Variants in SLC36A2 observed in about 807,000 individuals in gnomAD.
The protein encoded by SLC36A2 is proton-coupled amino acid transporter 2.
A neutral mutation model predicts 42.7 loss-of-function variants in SLC36A2; 39 were observed. The observed-to-expected ratio is 0.91, with a 90% CI of 0.71 to 1.19. The LOEUF (loss-of-function observed/expected upper bound fraction) is 1.19, where lower values mean the gene tolerates loss of function less well. SLC36A2 is among the 50% of genes most tolerant of loss of function. The probability of loss-of-function intolerance (pLI) is 0.00; values close to 1 mark genes in which losing one functional copy is unlikely to be tolerated. For synonymous variants in SLC36A2, 237 were observed against 240.8 expected, an observed-to-expected ratio of 0.98 and a Z score of 0.15; for missense variants, 590 against 613.7, an observed-to-expected ratio of 0.96 and a Z score of 0.41.
chr5:151,323,863 C>T (rs575972925), intron 8 of SLC36A2, among the ~76,000 whole-genome samples: 3 of 152,212 alleles, frequency 2.0e-5, no homozygotes, highest in Non-Finnish European at 2.9e-5. Context: ...AATTGGCATG[C>T]AGTAAATGCT....
chr5:151,320,396 C>A (rs201393337), intron 9 of SLC36A2, among the ~76,000 whole-genome samples: 72 of 148,314 alleles, frequency 4.9e-4, no homozygotes, highest in East Asian at 7.8e-4. Flanking sequence ...CTTTGTTATG[C>A]AAAAAAAAAA....
chr5:151,342,774 C>A (rs1045280978), intron 4 of SLC36A2, 114 bp downstream of exon 4: 3 of 829,710 alleles, frequency 3.6e-6, no homozygotes, highest in Non-Finnish European at 6.2e-6. Flanking sequence ...CCATGTACAA[C>A]ATCTAACATA....
chr5:151,333,728 G>C (rs1363926748), intron 6 of SLC36A2, among the ~76,000 whole-genome samples: 2 of 152,128 alleles, frequency 1.3e-5, no homozygotes, highest in Non-Finnish European at 2.9e-5. Context: ...CGGGCGTGGT[G>C]GTGGGCGCCT....
At chr5:151,343,299 A>C (rs1237661840) in intron 3 of SLC36A2, among the ~76,000 whole-genome samples, 1 of 152,208 alleles carries the variant, frequency 6.6e-6, no homozygotes, top group Non-Finnish European at 1.5e-5. Context: ...AGAGGAGCCA[A>C]CCAGATAAGC....
At chr5:151,343,666 A>T in intron 2 of SLC36A2, 68 bp from the exon 3 acceptor site, 1 of 1,430,482 alleles carries the variant, frequency 7.0e-7, no homozygotes, top group South Asian at 1.2e-5. Context: ...ATACTGCAAG[A>T]TGGGCTTGGT....
intron 9 of SLC36A2, among the ~76,000 whole-genome samples, chr5:151,317,974 A>G (rs569617344): frequency 6.6e-6 from 1 of 152,346 alleles, no homozygotes; most frequent in East Asian, 1.9e-4. Flanking sequence ...AAGGGCTTTT[A>G]TGGAAGAACA....
At chr5:151,324,611 C>G (rs1485975180) in intron 8 of SLC36A2, among the ~76,000 whole-genome samples, 1 of 152,114 alleles carries the variant, frequency 6.6e-6, no homozygotes, top group East Asian at 1.9e-4. Context: ...GGATTACAGG[C>G]ATGAGCCATC....
chr5:151,323,663 G>A (rs537990143), intron 8 of SLC36A2, among the ~76,000 whole-genome samples: 5 of 152,256 alleles, frequency 3.3e-5, no homozygotes, highest in African/African-American at 4.8e-5. Flanking sequence ...GTCTCCTTCC[G>A]ATGTGCTTTC....
Position 151,322,031 on chromosome 5 carries a change from C to A in SLC36A2, c.1180+15G>T. ...AAAAGATCAGCAGGAACACTGCACT[C>A]TCCTTTCTACTCACATGTCAGGCAG... On this transcript the variant is annotated intron_variant, in intron 9 of 9. Coordinates refer to ENST00000335244, the MANE Select transcript of SLC36A2 (RefSeq NM_181776.3). 1 of 1,614,112 alleles carries A rather than the reference C, an allele frequency of 6.2e-7. No homozygotes were observed. The highest frequency in any genetic ancestry group is 8.5e-7 in the Non-Finnish European group (1 of 1,179,996).
intron 8 of SLC36A2, chr5:151,325,057 G>A (rs1326473084): frequency 3.4e-6 from 2 of 594,032 alleles, no homozygotes; most frequent in African/African-American, 1.8e-5. Flanking sequence ...CTTAAGTCAT[G>A]TCCTCCTTCA....
intron 5 of SLC36A2, among the ~76,000 whole-genome samples, chr5:151,336,511 G>C (rs1580858352): frequency 9.1e-6 from 1 of 110,408 alleles, no homozygotes. Context: ...ATCACTTACT[G>C]TTTCCTAATT....
intron 4 of SLC36A2, among the ~76,000 whole-genome samples, chr5:151,340,785 C>T (rs1488084892): frequency 2.0e-5 from 3 of 152,126 alleles, no homozygotes; most frequent in Non-Finnish European, 4.4e-5. Context: ...CCCAGGTGGC[C>T]TGTGAAAGAG....
chr5:151,334,932 C>A (rs1456896012), intron 6 of SLC36A2, among the ~76,000 whole-genome samples: 3 of 150,830 alleles, frequency 2.0e-5, no homozygotes, highest in African/African-American at 2.4e-5. Context: ...TTCTTGCCTT[C>A]CTATTGGGTA....
intron 9 of SLC36A2, chr5:151,319,701 G>A (rs1755627657): frequency 6.5e-6 from 1 of 153,160 alleles, no homozygotes; most frequent in Non-Finnish European, 1.5e-5. Context: ...CCAGCAGAAT[G>A]GGGGTGAAGG....
chr5:151,318,718 T>C (rs946868699), intron 9 of SLC36A2, among the ~76,000 whole-genome samples: 2 of 151,566 alleles, frequency 1.3e-5, no homozygotes, highest in African/African-American at 4.8e-5. Context: ...TGAAATTATT[T>C]ATAATACAAA....
At position 151,320,384 on chromosome 5, in the gene SLC36A2, C is replaced by A. The variant is rs113317273; in HGVS notation, c.1180+1662G>T. ...TGTACTGATAATTATCTAAAAGTAA[C>A]ACTTTGTTATGCAAAAAAAAAAGAA... On this transcript the variant is annotated intron_variant, in intron 9 of 9. Transcript: ENST00000335244. Among the ~76,000 whole-genome samples, 164 of 124,814 alleles carry A rather than the reference C, an allele frequency of 1.3e-3. 1 individual carries two copies. Among genetic ancestry groups the A allele is most frequent in the Non-Finnish European group, 2.4e-3 (143 of 60,158 alleles). The allele number at this position is 124,814 out of a possible 152,430, so 81.9% of individuals were successfully genotyped here.
At chr5:151,326,405 C>G (rs1413389115) in intron 7 of SLC36A2, among the ~76,000 whole-genome samples, 1 of 152,170 alleles carries the variant, frequency 6.6e-6, no homozygotes, top group African/African-American at 2.4e-5. Context: ...CTCCGCCAAC[C>G]CCATCACTGT....
rs780286885 is a variant in SLC36A2 at position 151,333,301 on chromosome 5, A to G, written c.766T>C (p.Leu256=). The G allele has an allele frequency of 1.2e-4, 195 of 1,613,942 alleles. No individual in the cohort carries two copies. Among genetic ancestry groups the G allele is most frequent in the Non-Finnish European group, 1.6e-4 (190 of 1,179,942 alleles). ...ITQEIPDPSR[L]PLVASWKTYP... ...GTCTTCCAGCTTGCTACCAGTGGCA[A>G]CCGGCTGGGGTCTGGGATTTCCTAA... Residue 256 remains leucine, a synonymous_variant, in exon 7 of 10, where the codon TTG becomes CTG. Transcript: ENST00000335244.
Position 151,343,501 on chromosome 5 carries a change from T to C in SLC36A2, c.344+9A>G. The C allele has an allele frequency of 5.6e-6, 9 of 1,614,066 alleles. No individual in the cohort carries two copies. Among genetic ancestry groups the C allele is most frequent in the Non-Finnish European group, 7.6e-6 (9 of 1,179,912 alleles). On this transcript the variant is annotated intron_variant, in intron 3 of 9. Transcript: ENST00000335244. The stretch of plus-strand genomic sequence containing the variant: ...AAAGGAATTGACACAAGGAGGCTGT[T>C]TTCCTCACCTCTTACAGAAGCGCTG...
Sources: gnomAD v4.1 joint callset for allele counts (sites outside exome capture counted in the v4.1 genomes callset) on GRCh38, gnomAD v4.1.1 for gene constraint, MANE v1.5 for transcripts, NCBI Gene and HGNC (gene_info 2026-07-23, HGNC 2026-07-21) for gene names.